STAU1: variants seen among roughly 807,000 people sequenced by gnomAD.
The protein encoded by STAU1 is double-stranded RNA-binding protein Staufen homolog 1.
STAU1 carries 13 observed loss-of-function variants against 62.9 expected under a neutral mutation model. The ratio of observed to expected loss-of-function variants is 0.21; its 90% confidence interval spans 0.13 to 0.33. The LOEUF is 0.33. Among genes scored for constraint, STAU1 ranks in the 10% least tolerant of loss-of-function variants. The pLI is 1.00. For missense variants in STAU1, 571 were observed against 712.1 expected (o/e 0.80, Z 2.25); for synonymous variants, 269 against 265.1 (o/e 1.01, Z -0.14).
chr20:49,163,369 C>T (rs1184511032), intron 3 of STAU1, among the ~76,000 whole-genome samples: 2 of 149,722 alleles, frequency 1.3e-5, no homozygotes, highest in African/African-American at 2.5e-5. Context: ...CTTTCTTTAG[C>T]CTTAGTTTCT....
At chr20:49,142,112 A>C (rs2093020928) in intron 5 of STAU1, among the ~76,000 whole-genome samples, 1 of 152,150 alleles carries the variant, frequency 6.6e-6, no homozygotes, top group South Asian at 2.1e-4. Flanking sequence ...TTTGAGATGA[A>C]GTCTCGCTCT....
chr20:49,148,587 G>C (rs1333863979), intron 5 of STAU1, among the ~76,000 whole-genome samples: 1 of 152,222 alleles, frequency 6.6e-6, no homozygotes, highest in Non-Finnish European at 1.5e-5. Context: ...ATTTCTGACA[G>C]GCACGGTCTC....
In STAU1 at chr20:49,123,114, C is replaced by T. The variant is rs907527599; in HGVS notation, c.944G>A (p.Arg315His). The T allele has an allele frequency of 4.3e-6, 7 of 1,609,652 alleles. No individual in the cohort carries two copies. The highest frequency in any genetic ancestry group is 3.4e-5 in the Admixed American group (2 of 59,334). ...YTLLTERGLP[R>H]RREFVMQVKV... ...CACCTGCATCACAAACTCCCTGCGG[C>T]GCGGGAGGCCTCGCTCTGTGAGGAG... The change falls in exon 8 of 14, where the codon CGC (arginine) becomes CAC (histidine). Residue 315 changes from arginine to histidine, a missense_variant. Around this residue, in one of 3 missense-constraint regions of STAU1, gnomAD observed 414 missense variants for 499.6 expected, o/e 0.83. Coordinates refer to ENST00000371856, the MANE Select transcript of STAU1 (RefSeq NM_017453.4).
the STAU1 span, among the ~76,000 whole-genome samples, chr20:49,206,740 TA>T: frequency 3.7e-5 from 5 of 134,906 alleles, no homozygotes; most frequent in African/African-American, 5.9e-5. Flanking sequence ...TATATATATA[TA>T]TATATATATA....
At chr20:49,190,354 G>A (rs2093829750), upstream of STAU1, among the ~76,000 whole-genome samples, 1 of 152,136 alleles carries the variant, frequency 6.6e-6, no homozygotes, top group Non-Finnish European at 1.5e-5. Flanking sequence ...CATGAGCACA[G>A]CTAACTGCAG....
At chr20:49,185,331 T>C (rs1239412802) in intron 1 of STAU1, among the ~76,000 whole-genome samples, 3 of 152,258 alleles carry the variant, frequency 2.0e-5, no homozygotes, top group East Asian at 1.9e-4. Context: ...TCTGTATTTG[T>C]TCGCTTTTCA....
At chr20:49,186,005 C>A (rs1189034315) in intron 1 of STAU1, among the ~76,000 whole-genome samples, 2 of 151,914 alleles carry the variant, frequency 1.3e-5, no homozygotes, top group African/African-American at 4.8e-5. Context: ...CCACACCAGG[C>A]TCAAGAGATA....
At chr20:49,140,650 G>T (rs1029893817) in intron 5 of STAU1, among the ~76,000 whole-genome samples, 2 of 152,176 alleles carry the variant, frequency 1.3e-5, no homozygotes, top group African/African-American at 4.8e-5. Flanking sequence ...GAGCAAGGGA[G>T]TGGGGAGTAA....
intron 3 of STAU1, among the ~76,000 whole-genome samples, chr20:49,159,866 G>C (rs913322185): frequency 6.6e-6 from 1 of 152,170 alleles, no homozygotes; most frequent in Admixed American, 6.5e-5. Context: ...CCAGTCCCTA[G>C]TTGCCTAAAT....
intron 7 of STAU1, among the ~76,000 whole-genome samples, chr20:49,124,085 A>G (rs956444514): frequency 1.3e-5 from 2 of 152,228 alleles, no homozygotes; most frequent in Non-Finnish European, 2.9e-5. Context: ...CGCGCCCCAC[A>G]GACCGGCATG....
At chr20:49,145,423 CAAAAAAAAAAAAAAAA>C (rs35023867) in intron 5 of STAU1, among the ~76,000 whole-genome samples, 9 of 40,184 alleles carry the variant, frequency 2.2e-4, no homozygotes, top group African/African-American at 9.5e-4. Flanking sequence ...GACTCCGTCT[CAAAAAAAAAAAAAAAA>C]AAAAAAAAAA....
At chr20:49,118,892 A>ACAT (rs2145833488) in intron 9 of STAU1, among the ~76,000 whole-genome samples, 1 of 152,372 alleles carries the variant, frequency 6.6e-6, no homozygotes, top group South Asian at 2.1e-4. Flanking sequence ...GTCTAACACA[A>ACAT]CATCACCTTT....
Position 49,114,870 on chromosome 20 carries a change from G to C in STAU1, c.*8C>G. The C allele has an allele frequency of 6.2e-7, 1 of 1,613,350 alleles. No homozygotes were observed. The highest frequency in any genetic ancestry group is 8.5e-7 in the Non-Finnish European group (1 of 1,179,500). On this transcript the variant is annotated 3_prime_UTR_variant, in exon 14 of 14. Transcript: ENST00000371856. Reference sequence around the variant, plus strand: ...GGGATTTTATAATGGTTCATGGCCAGAAAAGGTTCAGCACCTCCCACACCT... The same window carrying C: ...GGGATTTTATAATGGTTCATGGCCACAAAAGGTTCAGCACCTCCCACACCT...
chr20:49,160,850 A>T (rs958855788), intron 3 of STAU1, among the ~76,000 whole-genome samples: 4 of 152,140 alleles, frequency 2.6e-5, no homozygotes, highest in African/African-American at 9.7e-5. Flanking sequence ...CTGTTTTCCC[A>T]TCACCTCTTC....
intron 1 of STAU1, among the ~76,000 whole-genome samples, chr20:49,182,984 G>T (rs1282981928): frequency 6.6e-6 from 1 of 152,114 alleles, no homozygotes; most frequent in East Asian, 1.9e-4. Flanking sequence ...AAAATGGTGG[G>T]GGTAAATAAC....
chr20:49,195,612 T>C, the STAU1 span, among the ~76,000 whole-genome samples: 47 of 89,242 alleles, frequency 5.3e-4, no homozygotes, highest in Non-Finnish European at 9.8e-4. Flanking sequence ...TTCTTAGAAA[T>C]AACAATGTAG....
chr20:49,146,197 C>T (rs572511472), intron 5 of STAU1, among the ~76,000 whole-genome samples: 6 of 152,028 alleles, frequency 3.9e-5, no homozygotes, highest in South Asian at 2.1e-4. Flanking sequence ...GTCCAGGAGG[C>T]GGAGGTTGCA....
At chr20:49,216,782 C>CA in the STAU1 span, among the ~76,000 whole-genome samples, 2 of 152,086 alleles carry the variant, frequency 1.3e-5, no homozygotes, top group Non-Finnish European at 2.9e-5. Context: ...AGATCGATTT[C>CA]ATAGGAAGGT....
chr20:49,184,946 G>T (rs1016060947), intron 1 of STAU1, among the ~76,000 whole-genome samples: 7 of 152,082 alleles, frequency 4.6e-5, no homozygotes, highest in African/African-American at 1.7e-4. Flanking sequence ...ATGCAACAAA[G>T]ACATTTATAA....
Sources: allele counts gnomAD v4.1 joint callset (sites outside exome capture counted in the v4.1 genomes callset), GRCh38; gene constraint gnomAD v4.1.1; regional missense constraint gnomAD v4.1.1; transcripts MANE v1.5; gene names NCBI Gene and HGNC (gene_info 2026-07-23, HGNC 2026-07-21).